SPAG17: variants seen among roughly 807,000 people sequenced by gnomAD.
SPAG17 encodes the protein sperm-associated antigen 17.
SPAG17 carries 169 observed loss-of-function variants against 273.6 expected under a neutral mutation model. That is an observed-to-expected ratio of 0.62 (90% CI 0.55 to 0.70). The LOEUF (loss-of-function observed/expected upper bound fraction) is 0.70. Ranked by LOEUF, SPAG17 falls within the 30% of genes least tolerant of loss-of-function variation. The pLI, the probability that SPAG17 is intolerant of heterozygous loss-of-function variation, is 0.00. For synonymous variants in SPAG17, 825 were observed against 873.2 expected, an observed-to-expected ratio of 0.94 and a Z score of 0.97; for missense variants, 2,557 against 2,627.8, an observed-to-expected ratio of 0.97 and a Z score of 0.59.
intron 8 of SPAG17, 97 bp from the exon 9 acceptor site, chr1:118,092,099 G>T: frequency 9.8e-7 from 1 of 1,017,546 alleles, no homozygotes; most frequent in Non-Finnish European, 1.5e-6. Context: ...GGATACTCAG[G>T]TTGTATAATT....
chr1:118,178,002 T>C (rs1416496048), intron 1 of SPAG17, among the ~76,000 whole-genome samples: 1 of 152,096 alleles, frequency 6.6e-6, no homozygotes, highest in Non-Finnish European at 1.5e-5. Context: ...AGTAAAACTC[T>C]TACCAATTCT....
intron 48 of SPAG17, among the ~76,000 whole-genome samples, chr1:117,957,526 C>T (rs940503970): frequency 2.0e-5 from 3 of 152,210 alleles, no homozygotes; most frequent in Admixed American, 2.0e-4. Context: ...TGGTTCTAGT[C>T]AGTTTGCCAA....
chr1:118,136,168 C>G (rs7535530), intron 3 of SPAG17, among the ~76,000 whole-genome samples: 73,522 of 152,018 alleles, frequency 0.48, 19,731 homozygotes, highest in Non-Finnish European at 0.61. Flanking sequence ...TTCTTAAATT[C>G]TTTTTAGGGG....
At chr1:118,115,200 G>C (rs1657000821) in intron 4 of SPAG17, 110 bp downstream of exon 4, 2 of 1,306,338 alleles carry the variant, frequency 1.5e-6, no homozygotes, top group Non-Finnish European at 2.1e-6. Flanking sequence ...AAATTTGCCA[G>C]GTAACACTTA....
At position 118,039,167 on chromosome 1, in the gene SPAG17, A is replaced by G. The variant is rs2101916670; in HGVS notation, c.3319+125T>C. ...AAATAGGCAACTTCATGCACTATTA[A>G]TAAGAGAGTGTACTGGTAGAAACTT... On this transcript the variant is annotated intron_variant, in intron 23 of 48. Coordinates refer to ENST00000336338, the MANE Select transcript of SPAG17 (RefSeq NM_206996.4). The G allele has an allele frequency of 2.9e-6, 3 of 1,021,952 alleles. No homozygotes were observed. In the East Asian group the frequency reaches 7.3e-5, roughly 25 times the overall value. The allele number at this position is 1,021,952 out of a possible 1,614,324, so 63.3% of individuals were successfully genotyped here.
intron 1 of SPAG17, among the ~76,000 whole-genome samples, chr1:118,155,841 C>T (rs1388245874): frequency 6.6e-6 from 1 of 152,142 alleles, no homozygotes; most frequent in African/African-American, 2.4e-5. Flanking sequence ...CTTTCTCATA[C>T]CAGGTTTTTC....
chr1:118,070,819 T>C (rs564005436), intron 17 of SPAG17, among the ~76,000 whole-genome samples: 1 of 152,346 alleles, frequency 6.6e-6, no homozygotes, highest in African/African-American at 2.4e-5. Flanking sequence ...AGCACTTATA[T>C]AGTGTATAGC....
intron 20 of SPAG17, among the ~76,000 whole-genome samples, chr1:118,044,338 AGCTGGGTGTGGTGGTGG>A (rs1310372070): frequency 6.6e-6 from 1 of 152,106 alleles, no homozygotes; most frequent in African/African-American, 2.4e-5. Flanking sequence ...TACAAAAATT[AGCTGGGTGTGGTGGTGG>A]GCGCCTGTAA....
chr1:117,978,828 A>G (rs189799147), intron 43 of SPAG17, among the ~76,000 whole-genome samples: 1 of 150,254 alleles, frequency 6.7e-6, no homozygotes, highest in Admixed American at 6.6e-5. Context: ...CAGTGATTTC[A>G]CACTCCTGTT....
chr1:117,957,825 AC>A (rs1478803516), intron 48 of SPAG17, among the ~76,000 whole-genome samples: 1 of 152,194 alleles, frequency 6.6e-6, no homozygotes, highest in Non-Finnish European at 1.5e-5. Context: ...GTGTAAGCTA[AC>A]AGGTTTTGCT....
intron 38 of SPAG17, among the ~76,000 whole-genome samples, chr1:117,989,529 A>G (rs1292501642): frequency 2.0e-5 from 3 of 150,738 alleles, no homozygotes; most frequent in Non-Finnish European, 4.4e-5. Flanking sequence ...TGACCCAAAC[A>G]CCTCCCATTA....
chr1:118,088,328 A>C (rs1655142382), intron 10 of SPAG17, among the ~76,000 whole-genome samples: 1 of 152,180 alleles, frequency 6.6e-6, no homozygotes, highest in Non-Finnish European at 1.5e-5. Context: ...TGGTACCTGG[A>C]ACATAGTAGA....
At position 118,097,765 on chromosome 1, in the gene SPAG17, C is replaced by A; in HGVS notation, c.916G>T (p.Glu306Ter). Reference protein sequence around the residue: ...WKYLEPVLNNEKPETNLFDVA... With the variant: ...WKYLEPVLNN ...TCAAAGAGATTTGTTTCAGGTTTCT[C>A]ATTATTCAGGACTGGTTCCAAGTAC... Residue 306 changes from glutamate (E) to a stop codon, truncating the protein, a stop_gained, in exon 7 of 49, where the codon GAG becomes TAG. Transcript: ENST00000336338. LOFTEE classifies it high-confidence loss of function. 6.2e-7 allele frequency: 1 copy of A among 1,611,110 alleles called. No homozygotes were observed. Among genetic ancestry groups the A allele is most frequent in the Non-Finnish European group, 8.5e-7 (1 of 1,178,948 alleles).
intron 32 of SPAG17, among the ~76,000 whole-genome samples, chr1:118,002,784 G>C (rs985146837): frequency 2.0e-5 from 3 of 152,074 alleles, no homozygotes; most frequent in Non-Finnish European, 4.4e-5. Flanking sequence ...TATCCAATTT[G>C]CCAGTCTATG....
chr1:118,041,826 G>T lies in SPAG17; in HGVS notation c.3031C>A (p.Pro1011Thr). Residue 1011 changes from proline to threonine, a missense_variant, in exon 21 of 49, where the codon CCA (proline) becomes ACA (threonine). By Grantham distance (38) the Pro-to-Thr change is conservative (BLOSUM62 -1). Transcript: ENST00000336338. ...QEVTEESPHQ[P>T]EPKITYPFHG... is the part of the protein sequence containing the mutation. ...ACCGGGTAAGTTATCTTAGGTTCTGGTTGGTGGGGGGACTCTTCTGTTACT... is the reference window on the plus strand; with the variant it reads ...ACCGGGTAAGTTATCTTAGGTTCTGTTTGGTGGGGGGACTCTTCTGTTACT... 1 of 1,612,724 alleles carries T rather than the reference G, an allele frequency of 6.2e-7. No homozygotes were observed. The highest frequency in any genetic ancestry group is 1.1e-5 in the South Asian group (1 of 90,732).
At chr1:118,043,491 CGTAA>C (rs1650007277) in intron 20 of SPAG17, among the ~76,000 whole-genome samples, 1 of 152,112 alleles carries the variant, frequency 6.6e-6, no homozygotes, top group African/African-American at 2.4e-5. Context: ...CTTACCACAA[CGTAA>C]GTATTTTGTG....
intron 46 of SPAG17, 120 bp downstream of exon 46, chr1:117,969,936 G>GACTT (rs1654360972): frequency 1.2e-6 from 1 of 849,050 alleles, no homozygotes; most frequent in East Asian, 2.6e-5. Flanking sequence ...AAAAACAGTA[G>GACTT]ACTTATACAT....
Position 117,995,713 on chromosome 1 carries a change from C to T in SPAG17, c.5053+657G>A, listed in dbSNP as rs548720689. ...ATGAAATAACACACACACACACACA[C>T]ACACACACACACACACACACACAAA... On this transcript the variant is annotated intron_variant, in intron 34 of 48. Transcript: ENST00000336338. Among the ~76,000 whole-genome samples the T allele has an allele frequency of 4.0e-5, 6 of 150,928 alleles. No homozygotes were observed. The East Asian group carries it at 1.2e-3, about 31-fold the overall frequency.
At position 118,143,320 on chromosome 1, in the gene SPAG17, G is replaced by A. The variant is rs1232772387; in HGVS notation, c.315+7223C>T. Among the ~76,000 whole-genome samples, 4 of 152,160 alleles carry A rather than the reference G, an allele frequency of 2.6e-5. No individual in the cohort carries two copies. In the East Asian group the frequency reaches 7.7e-4, roughly 29 times the overall value. On this transcript the variant is annotated intron_variant, in intron 3 of 48. Transcript: ENST00000336338. ...TCTCAGCTTGTGTGTGATGCAAGTA[G>A]AAAAAACAGACTTCTGAATCAACAA...
Sources: gnomAD v4.1 joint callset for allele counts (sites outside exome capture counted in the v4.1 genomes callset) on GRCh38, gnomAD v4.1.1 for gene constraint, MANE v1.5 for transcripts, NCBI Gene and HGNC (gene_info 2026-07-23, HGNC 2026-07-21) for gene names.